HMCN2: variants seen among roughly 807,000 people sequenced by gnomAD.
HMCN2 encodes the protein hemicentin 2, also known as hemicentin-2.
In HMCN2, 325 loss-of-function variants were observed where a neutral mutation model predicts 377.5. That is an observed-to-expected ratio of 0.86 (90% CI 0.79 to 0.94). HMCN2 has a LOEUF of 0.94. HMCN2 is among the 40% of genes least tolerant of loss of function. HMCN2 has a pLI of 0.00. For synonymous variants in HMCN2, 2,007 were observed against 2,046.8 expected, an observed-to-expected ratio of 0.98 and a Z score of 0.53; for missense variants, 4,543 against 4,725.3, an observed-to-expected ratio of 0.96 and a Z score of 1.13.
In HMCN2 at chr9:130,309,901, CTT is replaced by C; in HGVS notation, c.2201-9_2201-8del. 1 of 479,718 alleles carries C rather than the reference CTT, an allele frequency of 2.1e-6. No individual in the cohort carries two copies. Among genetic ancestry groups the C allele is most frequent in the African/African-American group, 2.0e-5 (1 of 50,478 alleles). 29.7% of individuals were successfully genotyped at this position (479,718 alleles called of 1,614,324 possible). On this transcript the variant is annotated splice_polypyrimidine_tract_variant and intron_variant, in intron 14 of 97. Coordinates refer to ENST00000683500, the MANE Select transcript of HMCN2 (RefSeq NM_001291815.2). ...GGACACCGGCCTGATGCTTCTTCCTCTTTGGTCCAGGGGGTCTTGAAATGATC... is the reference window on the plus strand; with the variant it reads ...GGACACCGGCCTGATGCTTCTTCCTCTGGTCCAGGGGGTCTTGAAATGATC...
At chr9:130,405,861 C>A in intron 81 of HMCN2, 94 bp from the exon 82 acceptor site, 1 of 956,082 alleles carries the variant, frequency 1.0e-6, no homozygotes, top group Non-Finnish European at 1.4e-6. Flanking sequence ...CCTCTCTGGG[C>A]TGGATGCTCC....
chr9:130,430,230 G>A, intron 94 of HMCN2, 54 bp from the exon 95 acceptor site: 1 of 1,400,852 alleles, frequency 7.1e-7, no homozygotes, highest in Non-Finnish European at 9.6e-7. Context: ...ATGGCTGCAG[G>A]CTGCAGGGGA....
At position 130,422,599 on chromosome 9, in the gene HMCN2, C is replaced by A. The variant is rs1844082685; in HGVS notation, c.13254C>A (p.Gly4418=). ...VVRGEPQGSW[G]SMTGVINGRK... ...CAGGGGAGCCCCAGGGGAGCTGGGG[C>A]AGCATGACTGGGGTGATAAATGGCC... Residue 4418 remains glycine (G), a synonymous_variant, in exon 87 of 98, where the codon GGC becomes GGA. Coordinates refer to ENST00000683500, the MANE Select transcript of HMCN2 (RefSeq NM_001291815.2). The surrounding 1 kb of genome is among the most constrained non-coding windows in gnomAD (Gnocchi z 4.2). 2 of 1,323,248 alleles carry A rather than the reference C, an allele frequency of 1.5e-6. No homozygotes were observed. Among genetic ancestry groups the A allele is most frequent in the South Asian group, 4.5e-5 (2 of 44,352 alleles). 82.0% of individuals were successfully genotyped at this position (1,323,248 alleles called of 1,614,324 possible). A position where few individuals can be genotyped will look rare whatever the true frequency, so the allele number is the denominator to read the frequency against.
intron 56 of HMCN2, 37 bp from the exon 57 acceptor site, chr9:130,383,467 T>C: frequency 1.1e-6 from 1 of 940,074 alleles, no homozygotes; most frequent in Non-Finnish European, 1.3e-6. Context: ...CCAAGGGGTC[T>C]CAGGTATCTC....
At chr9:130,366,872 G>A (rs953169015) in intron 43 of HMCN2, among the ~76,000 whole-genome samples, 3 of 152,146 alleles carry the variant, frequency 2.0e-5, no homozygotes, top group African/African-American at 7.2e-5. Flanking sequence ...TAAACACACA[G>A]TTAGTAAATG....
At position 130,415,001 on chromosome 9, in the gene HMCN2, T is replaced by C. The variant is rs536401889; in HGVS notation, c.12962-3771T>C. Among the ~76,000 whole-genome samples the C allele has an allele frequency of 5.9e-4, 90 of 152,028 alleles. 2 individuals carry two copies. The South Asian group carries it at 0.018, about 31-fold the overall frequency. On this transcript the variant is annotated intron_variant, in intron 85 of 97. Transcript: ENST00000683500. Reference sequence around the variant, plus strand: ...TGGGGAGCAATAAGCAGTGCCCCTCTCCCTCCCAGCCAGGATGGTGCCAGC... The same window carrying C: ...TGGGGAGCAATAAGCAGTGCCCCTCCCCCTCCCAGCCAGGATGGTGCCAGC...
chr9:130,374,660 G>A lies in HMCN2; in HGVS notation c.7597G>A (p.Glu2533Lys). 1 of 985,802 alleles carries A rather than the reference G, an allele frequency of 1.0e-6. No individual in the cohort carries two copies. Among genetic ancestry groups the A allele is most frequent in the Non-Finnish European group, 1.2e-6 (1 of 829,944 alleles). 61.1% of individuals were successfully genotyped at this position (985,802 alleles called of 1,614,324 possible). A position where few individuals can be genotyped will look rare whatever the true frequency, so the allele number is the denominator to read the frequency against. The change falls in exon 49 of 98, where the codon GAG becomes AAG. Residue 2533 changes from glutamate (E) to lysine (K), a missense_variant. By Grantham distance (56) the Glu-to-Lys change is moderately conservative. Transcript: ENST00000683500. Reference protein sequence around the residue: ...YSCIAANAVGEKTKHFQLSVL... With the variant: ...YSCIAANAVGKKTKHFQLSVL... ...CTGCATTGCAGCCAACGCTGTTGGG[G>A]AGAAGACCAAACACTTCCAGCTCAG...
intron 79 of HMCN2, 133 bp from the exon 80 acceptor site, chr9:130,403,608 C>T (rs1048585747): frequency 1.8e-5 from 18 of 1,011,720 alleles, no homozygotes; most frequent in African/African-American, 3.4e-5. Context: ...CTTCTTGGCT[C>T]CTTCTGTCCC....
At position 130,282,891 on chromosome 9, in the gene HMCN2, C is replaced by T. The variant is rs375468949; in HGVS notation, c.260-1712C>T. Reference sequence around the variant, plus strand: ...TTCAAGACCAGCCTGGCCAACATGGCGAAACCCCGTCTCTACTAAAAATAC... The same window carrying T: ...TTCAAGACCAGCCTGGCCAACATGGTGAAACCCCGTCTCTACTAAAAATAC... On this transcript the variant is annotated intron_variant, in intron 1 of 97. Coordinates refer to ENST00000683500, the MANE Select transcript of HMCN2 (RefSeq NM_001291815.2). 1.0e-3 allele frequency among the ~76,000 whole-genome samples: 159 copies of T among 152,064 alleles called. 1 individual carries two copies. The highest frequency in any genetic ancestry group is 4.1e-3 in the East Asian group (21 of 5,164).
chr9:130,351,568 C>G lies in HMCN2; in HGVS notation c.4576C>G (p.Arg1526Gly). The G allele has an allele frequency of 7.7e-7, 1 of 1,302,956 alleles. No homozygotes were observed. The highest frequency in any genetic ancestry group is 5.6e-5 in the East Asian group (1 of 17,976). The allele number at this position is 1,302,956 out of a possible 1,614,324, so 80.7% of individuals were successfully genotyped here. Residue 1526 changes from arginine to glycine, a missense_variant, in exon 30 of 98, where the codon CGA becomes GGA. Arg to Gly is a moderately radical substitution (Grantham distance 125, BLOSUM62 -2). Coordinates refer to ENST00000683500, the MANE Select transcript of HMCN2 (RefSeq NM_001291815.2). The surrounding 1 kb of genome is among the most constrained non-coding windows in gnomAD (Gnocchi z 5.4). ...AGQQARDFQLRVHAPPTIWGS... is the reference protein window; with the variant it reads ...AGQQARDFQLGVHAPPTIWGS... ...TCAGCAGGCCAGGGACTTCCAGCTC[C>G]GAGTTCATGGTGAGCCCCCACGCCT...
chr9:130,431,280 G>T, intron 95 of HMCN2, 87 bp from the exon 96 acceptor site: 1 of 1,335,668 alleles, frequency 7.5e-7, no homozygotes. Context: ...AGCCCAGCGG[G>T]CAGGTGTGTG....
chr9:130,391,670 C>A (rs143969177), intron 65 of HMCN2, 96 bp downstream of exon 65: 1 of 965,646 alleles, frequency 1.0e-6, no homozygotes, highest in Non-Finnish European at 1.2e-6. Flanking sequence ...TCCTGGGCCA[C>A]GGGTCTCACT....
intron 58 of HMCN2, 69 bp downstream of exon 58, chr9:130,384,603 G>A (rs928689516): frequency 3.8e-6 from 5 of 1,301,826 alleles, no homozygotes; most frequent in Non-Finnish European, 5.1e-6. Flanking sequence ...CCCGACCTGG[G>A]ACAGGGCCGT....
chr9:130,306,426 T>C (rs1356322407), intron 12 of HMCN2, among the ~76,000 whole-genome samples, 156 bp downstream of exon 12: 1 of 152,116 alleles, frequency 6.6e-6, no homozygotes, highest in Admixed American at 6.5e-5. Context: ...TGAGATCACT[T>C]TGGAAACATA....
chr9:130,364,961 C>T, intron 41 of HMCN2, 72 bp downstream of exon 41: 2 of 896,478 alleles, frequency 2.2e-6, no homozygotes, highest in Non-Finnish European at 2.7e-6. Context: ...TGCAGGTGCC[C>T]CAGCTCAGTG....
Position 130,424,768 on chromosome 9 carries a change from C to T in HMCN2, c.13382-8C>T. The T allele has an allele frequency of 3.3e-6, 5 of 1,531,612 alleles. No homozygotes were observed. Among genetic ancestry groups the T allele is most frequent in the South Asian group, 2.5e-5 (2 of 81,544 alleles). 94.9% of individuals were successfully genotyped at this position (1,531,612 alleles called of 1,614,324 possible). A position where few individuals can be genotyped will look rare whatever the true frequency, so the allele number is the denominator to read the frequency against. ...TCTAACCCGGCCTCTATGCCCTGCC[C>T]CACCCAGGGCCTCTGATGCGGGTGC... On this transcript the variant is annotated splice_region_variant and splice_polypyrimidine_tract_variant and intron_variant, in intron 87 of 97. Coordinates refer to ENST00000683500, the MANE Select transcript of HMCN2 (RefSeq NM_001291815.2).
intron 27 of HMCN2, 97 bp downstream of exon 27, chr9:130,348,772 G>GGAGATGT: frequency 7.9e-7 from 1 of 1,265,362 alleles, no homozygotes; most frequent in Non-Finnish European, 1.0e-6. Flanking sequence ...GGTGGGGCAG[G>GGAGATGT]GAGATGTGAC....
intron 95 of HMCN2, chr9:130,431,000 T>A (rs540314871): frequency 4.9e-6 from 1 of 203,714 alleles, no homozygotes; most frequent in Admixed American, 8.5e-5. Flanking sequence ...GACAAGGGAC[T>A]GCTGGGTAGA....
chr9:130,433,411 G>C lies in HMCN2; in HGVS notation c.14958G>C (p.Arg4986=). 2 of 1,492,756 alleles carry C rather than the reference G, an allele frequency of 1.3e-6. No homozygotes were observed. Among genetic ancestry groups the C allele is most frequent in the Non-Finnish European group, 1.8e-6 (2 of 1,129,516 alleles). The allele number at this position is 1,492,756 out of a possible 1,614,324, so 92.5% of individuals were successfully genotyped here. A position where few individuals can be genotyped will look rare whatever the true frequency, so the allele number is the denominator to read the frequency against. The change falls in exon 98 of 98, where the codon CGG becomes CGC. Residue 4986 remains arginine (R), a synonymous_variant. Coordinates refer to ENST00000683500, the MANE Select transcript of HMCN2 (RefSeq NM_001291815.2). ...GCGGCCCCTCTACGCTGCAGTACCG[G>C]CTGCTGCCGCTGCCCCTGGGCGTGC... ...GTGGPSTLQY[R]LLPLPLGVRA...
Sources: gnomAD v4.1 joint callset for allele counts (sites outside exome capture counted in the v4.1 genomes callset) on GRCh38, gnomAD v4.1.1 for gene constraint, Gnocchi (gnomAD v3.1) non-coding constraint, MANE v1.5 for transcripts, NCBI Gene and HGNC (gene_info 2026-07-23, HGNC 2026-07-21) for gene names.